Variants in PNPLA7 observed in about 807,000 individuals in gnomAD.
The protein encoded by PNPLA7 is patatin like domain 7, lysophospholipase, also known as patatin-like phospholipase domain-containing protein 7.
In PNPLA7, 153 loss-of-function variants were observed where a neutral mutation model predicts 161.7. The ratio of observed to expected loss-of-function variants is 0.95; its 90% CI spans 0.83 to 1.08. The LOEUF is 1.08. PNPLA7 is among the 50% of genes least tolerant of loss of function. The pLI, the probability that PNPLA7 is intolerant of heterozygous loss-of-function variation, is 0.00. For synonymous variants in PNPLA7, 809 were observed against 782.1 expected (o/e 1.03, Z -0.57); for missense variants, 1,739 against 1,856.6 (o/e 0.94, Z 1.16).
Position 137,494,478 on chromosome 9 carries a change from C to T in PNPLA7, c.2127+555G>A, listed in dbSNP as rs371671865. ...GTTTTCCATCCATGTGTAGGTAGAC[C>T]GAATGATCACCACAACTCAGGGCAC... is the stretch of plus-strand genomic sequence containing the variant. On this transcript the variant is annotated intron_variant, in intron 19 of 34. Coordinates refer to ENST00000406427, the MANE Select transcript of PNPLA7 (RefSeq NM_001098537.3). 1.4e-4 allele frequency among the ~76,000 whole-genome samples: 22 copies of T among 152,284 alleles called. No homozygotes were observed. In the South Asian group the frequency reaches 3.7e-3, roughly 26 times the overall value.
chr9:137,534,572 A>G (rs1835787328), intron 8 of PNPLA7, among the ~76,000 whole-genome samples: 1 of 152,186 alleles, frequency 6.6e-6, no homozygotes, highest in Non-Finnish European at 1.5e-5. Context: ...CTGCCCTAAA[A>G]AAAAGACCTA....
At chr9:137,487,236 C>T (rs563788340) in intron 20 of PNPLA7, among the ~76,000 whole-genome samples, 9 of 152,376 alleles carry the variant, frequency 5.9e-5, no homozygotes, top group Non-Finnish European at 1.3e-4. Context: ...GCTGCATCCC[C>T]AGCTGTTCAC....
At chr9:137,462,083 C>G (rs760301132) in intron 31 of PNPLA7, 42 bp from the exon 32 acceptor site, 1 of 1,528,130 alleles carries the variant, frequency 6.5e-7, no homozygotes, top group South Asian at 1.2e-5. Context: ...TGTGGGGAGC[C>G]CCCCACTTCC....
intron 4 of PNPLA7, 148 bp downstream of exon 4, chr9:137,546,682 A>T: frequency 1.5e-6 from 1 of 674,706 alleles, no homozygotes; most frequent in East Asian, 2.6e-5. Flanking sequence ...CCAAACCCTG[A>T]GCCTGGTGGC....
intron 22 of PNPLA7, 40 bp downstream of exon 22, chr9:137,480,920 G>T: frequency 6.5e-7 from 1 of 1,546,838 alleles, no homozygotes; most frequent in Non-Finnish European, 8.7e-7. Flanking sequence ...GGCTGCGTTG[G>T]GCCGGCTGGG....
chr9:137,501,148 C>T (rs1366322141), intron 15 of PNPLA7, among the ~76,000 whole-genome samples: 1 of 152,218 alleles, frequency 6.6e-6, no homozygotes, highest in Admixed American at 6.5e-5. Context: ...TGCACACCTT[C>T]CCTCCCGGCA....
In PNPLA7 at chr9:137,460,731, G is replaced by C. The variant is rs763178842; in HGVS notation, c.3848C>G (p.Ser1283Cys). The C allele has an allele frequency of 1.9e-6, 3 of 1,612,434 alleles. No homozygotes were observed. Among genetic ancestry groups the C allele is most frequent in the African/African-American group, 1.3e-5 (1 of 74,932 alleles). The change falls in exon 34 of 35, where the codon TCT becomes TGT. Residue 1283 changes from serine (S) to cysteine (C), a missense_variant. Physicochemically the swap from Ser to Cys is moderately radical, Grantham distance 112. Transcript: ENST00000406427. ...CTCCTCGTACTCCGTCTGGTAGTCA[G>C]ATTCGTCTGGCACCGAGGGTAGGGC... ...PAKPAMVDDE[S>C]DYQTEYEEEL...
At chr9:137,480,916 G>T in intron 22 of PNPLA7, 44 bp downstream of exon 22, 2 of 1,542,686 alleles carry the variant, frequency 1.3e-6, no homozygotes, top group South Asian at 1.2e-5. Context: ...TCAGGGCTGC[G>T]TTGGGCCGGC....
chr9:137,475,786 A>T (rs191914395), intron 25 of PNPLA7, among the ~76,000 whole-genome samples: 172 of 152,328 alleles, frequency 1.1e-3, no homozygotes, highest in African/African-American at 4.0e-3. Context: ...CAAAAAACTA[A>T]AAAGACAATG....
rs754659547 is a variant in PNPLA7 at position 137,479,038 on chromosome 9, C to T, written c.2763+18G>A. On this transcript the variant is annotated intron_variant, in intron 24 of 34. Transcript: ENST00000406427. ...AACCACGGAGCCACGGGCAGGCAGC[C>T]TCCTCTCCCCGCCTCACCAGCTTGG... The T allele has an allele frequency of 1.3e-6, 2 of 1,541,268 alleles. No individual in the cohort carries two copies. The highest frequency in any genetic ancestry group is 8.8e-7 in the Non-Finnish European group (1 of 1,138,836).
At chr9:137,549,004 C>G (rs1377809060) in intron 1 of PNPLA7, among the ~76,000 whole-genome samples, 2 of 152,234 alleles carry the variant, frequency 1.3e-5, no homozygotes, top group Non-Finnish European at 2.9e-5. Flanking sequence ...CTCAGCCCAG[C>G]AACCGCTTCT....
At chr9:137,485,288 G>A (rs1039766458) in intron 20 of PNPLA7, among the ~76,000 whole-genome samples, 4 of 152,298 alleles carry the variant, frequency 2.6e-5, no homozygotes, top group Admixed American at 1.3e-4. Flanking sequence ...CCAGACAAAC[G>A]CTGCAGGTGA....
intron 33 of PNPLA7, 124 bp downstream of exon 33, chr9:137,461,412 G>A: frequency 2.8e-6 from 3 of 1,085,254 alleles, no homozygotes; most frequent in Non-Finnish European, 1.3e-6. Context: ...CCAGCTGCTG[G>A]AGCCTGGGCG....
At chr9:137,529,912 G>A (rs1298512859) in intron 8 of PNPLA7, among the ~76,000 whole-genome samples, 1 of 152,012 alleles carries the variant, frequency 6.6e-6, no homozygotes, top group Non-Finnish European at 1.5e-5. Context: ...GCCCGCCTCA[G>A]CCTCCCAAAG....
Position 137,461,941 on chromosome 9 carries a change from G to C in PNPLA7, c.3746C>G (p.Pro1249Arg). ...GACGCCCGTACTCACCGCACTCGCG[G>C]GCTTCTTGCTCGGCCCCTGCTGGTC... is the stretch of plus-strand genomic sequence containing the variant. Reference protein sequence around the residue: ...LRDQQGPSKKPASAVLTCPNA... With the variant: ...LRDQQGPSKKRASAVLTCPNA... The change falls in exon 32 of 35, where the codon CCC (proline) becomes CGC (arginine). Residue 1249 changes from proline to arginine, a missense_variant. By Grantham distance (103) the Pro-to-Arg change is moderately radical. Transcript: ENST00000406427. The C allele has an allele frequency of 6.3e-7, 1 of 1,576,368 alleles. No individual in the cohort carries two copies. Among genetic ancestry groups the C allele is most frequent in the Non-Finnish European group, 8.6e-7 (1 of 1,166,136 alleles).
chr9:137,492,512 T>C (rs998126951), intron 20 of PNPLA7, among the ~76,000 whole-genome samples: 1 of 7,020 alleles, frequency 1.4e-4, no homozygotes, highest in Non-Finnish European at 2.8e-4. Flanking sequence ...CATGGGCGGG[T>C]GGGTGGGGCT....
chr9:137,504,697 C>G lies in PNPLA7; in HGVS notation c.1473+917G>C, dbSNP rs1286457498. ...CTTGCAGAACGACACCGTGGTGATG[C>G]CTCAGAAGGAGTCCTTAACCGTTAG... On this transcript the variant is annotated intron_variant, in intron 14 of 34. Transcript: ENST00000406427. 9.2e-5 allele frequency among the ~76,000 whole-genome samples: 14 copies of G among 151,738 alleles called. 1 individual carries two copies.
Position 137,467,554 on chromosome 9 carries a change from G to A in PNPLA7, c.2883-81C>T, listed in dbSNP as rs1831536477. On this transcript the variant is annotated intron_variant, in intron 25 of 34. Transcript: ENST00000406427. The surrounding 1 kb of genome is among the most constrained non-coding windows in gnomAD (Gnocchi z 5.1). ...TGCAGAGGCCTTGTGCTCATCCTCA[G>A]TTCCCAACTCCTCCACAGGCAGAGA... The A allele has an allele frequency of 2.6e-6, 4 of 1,521,918 alleles. No homozygotes were observed. In the African/African-American group the frequency reaches 5.5e-5, roughly 21 times the overall value. 94.3% of individuals were successfully genotyped at this position (1,521,918 alleles called of 1,614,324 possible).
chr9:137,534,426 TCCCAGAC>T, intron 8 of PNPLA7, among the ~76,000 whole-genome samples: 1 of 150,016 alleles, frequency 6.7e-6, no homozygotes, highest in Non-Finnish European at 1.5e-5. Context: ...ATGGGAGCAC[TCCCAGAC>T]TCAGACAGGA....
Sources: allele counts gnomAD v4.1 joint callset (sites outside exome capture counted in the v4.1 genomes callset), GRCh38; gene constraint gnomAD v4.1.1; non-coding constraint Gnocchi (gnomAD v3.1); transcripts MANE v1.5; gene names NCBI Gene and HGNC (gene_info 2026-07-23, HGNC 2026-07-21).